The following RPS6KC1 variants were observed in gnomAD, a reference collection of about 807,000 sequenced individuals.
RPS6KC1 encodes the protein inactive ribosomal protein S6 kinase delta-1.
A neutral mutation model predicts 103.8 loss-of-function variants in RPS6KC1; 54 were observed. That is an observed-to-expected ratio of 0.52 (90% CI 0.42 to 0.65). The LOEUF is 0.65. Ranked by LOEUF, RPS6KC1 falls within the 30% of genes least tolerant of loss-of-function variation. RPS6KC1 has a pLI of 0.00. For synonymous variants in RPS6KC1, 439 were observed against 438.7 expected, an observed-to-expected ratio of 1.00 and a Z score of -0.01; for missense variants, 1,151 against 1,253.8, an observed-to-expected ratio of 0.92 and a Z score of 1.24.
chr1:213,720,098 A>G, the RPS6KC1 span, among the ~76,000 whole-genome samples: 4 of 152,166 alleles, frequency 2.6e-5, no homozygotes, highest in Admixed American at 2.6e-4. Context: ...TATTTCCTAT[A>G]TGATCCTCAG....
the RPS6KC1 span, among the ~76,000 whole-genome samples, chr1:213,778,895 C>T: frequency 6.6e-6 from 1 of 152,130 alleles, no homozygotes; most frequent in Admixed American, 6.5e-5. Context: ...CCCCACCGCC[C>T]CACTCCGTAG....
At chr1:213,402,105 T>C in the RPS6KC1 span, among the ~76,000 whole-genome samples, 1 of 152,146 alleles carries the variant, frequency 6.6e-6, no homozygotes, top group Non-Finnish European at 1.5e-5. Flanking sequence ...TTAGTATAAT[T>C]GAATGAGTGT....
the RPS6KC1 span, among the ~76,000 whole-genome samples, chr1:213,629,944 G>C: frequency 6.6e-6 from 1 of 152,144 alleles, no homozygotes; most frequent in African/African-American, 2.4e-5. Context: ...AGTTTCTGCC[G>C]AGAGATCAGC....
chr1:213,266,353 G>A (rs1341102483), intron 14 of RPS6KC1, among the ~76,000 whole-genome samples: 1 of 152,132 alleles, frequency 6.6e-6, no homozygotes, highest in Non-Finnish European at 1.5e-5. Context: ...TCCAAGAGTG[G>A]AATTTCCTAT....
chr1:213,272,549 G>A lies in RPS6KC1; in HGVS notation c.3116G>A (p.Arg1039Gln), dbSNP rs1289525209. ...QQLLQFNPLE[R>Q]LGAGVAGVED... ...CTCTTGCAGTTCAATCCTCTGGAAC[G>A]ACTTGGTGCTGGAGTTGCTGGTGTT... Residue 1039 changes from arginine (R) to glutamine (Q), a missense_variant, in exon 15 of 15, where the codon CGA (arginine) becomes CAA (glutamine). Physicochemically the swap from Arg to Gln is conservative, Grantham distance 43. Coordinates refer to ENST00000366960, the MANE Select transcript of RPS6KC1 (RefSeq NM_012424.6). 2 of 1,613,808 alleles carry A rather than the reference G, an allele frequency of 1.2e-6. No individual in the cohort carries two copies. Among genetic ancestry groups the A allele is most frequent in the Non-Finnish European group, 1.7e-6 (2 of 1,179,892 alleles).
At chr1:213,383,407 C>A in the RPS6KC1 span, among the ~76,000 whole-genome samples, 1 of 152,214 alleles carries the variant, frequency 6.6e-6, no homozygotes, top group Admixed American at 6.5e-5. Context: ...TGTGCCCAGG[C>A]AACATGACCT....
the RPS6KC1 span, among the ~76,000 whole-genome samples, chr1:213,401,927 C>T: frequency 6.6e-6 from 1 of 152,086 alleles, no homozygotes; most frequent in East Asian, 1.9e-4. Flanking sequence ...GCTGGGATTA[C>T]AGGTGTGTGC....
In RPS6KC1 at chr1:213,241,181, G is replaced by A. The variant is rs2094343174; in HGVS notation, c.1705G>A (p.Glu569Lys). ...CCCCAGCACACAGCTGAGAGCTCAC[G>A]AGCTGAAGTTCTTCCCCAACGATGA... ...DSPSTQLRAH[E>K]LKFFPNDDPE... The change falls in exon 11 of 15, where the codon GAG becomes AAG. Residue 569 changes from glutamate to lysine, a missense_variant. This residue lies in a region of RPS6KC1 where 959 missense variants were observed against 1,006.3 expected (regional missense o/e 0.95). Transcript: ENST00000366960. 3 of 1,613,710 alleles carry A rather than the reference G, an allele frequency of 1.9e-6. No homozygotes were observed. Among genetic ancestry groups the A allele is most frequent in the African/African-American group, 1.3e-5 (1 of 74,900 alleles).
the RPS6KC1 span, among the ~76,000 whole-genome samples, chr1:213,299,998 G>A: frequency 6.6e-6 from 1 of 152,012 alleles, no homozygotes. Context: ...GTAGAGACGG[G>A]GTTTCACCGT....
At chr1:213,839,651 A>G in the RPS6KC1 span, 2 of 152,034 alleles carry the variant, frequency 1.3e-5, no homozygotes, top group African/African-American at 2.4e-5. Flanking sequence ...TGCTCACTAC[A>G]CTACCTTTCT....
At chr1:213,557,222 C>G in the RPS6KC1 span, among the ~76,000 whole-genome samples, 1 of 152,204 alleles carries the variant, frequency 6.6e-6, no homozygotes, top group Non-Finnish European at 1.5e-5. Context: ...CCACTCTGAG[C>G]TCATACCTCT....
chr1:213,699,390 A>C, the RPS6KC1 span, among the ~76,000 whole-genome samples: 3 of 152,074 alleles, frequency 2.0e-5, no homozygotes, highest in Non-Finnish European at 4.4e-5. Flanking sequence ...AAATGACAGG[A>C]TCTCATTTTT....
intron 8 of RPS6KC1, among the ~76,000 whole-genome samples, chr1:213,211,839 T>C (rs1480025267): frequency 1.3e-5 from 2 of 152,196 alleles, no homozygotes; most frequent in African/African-American, 4.8e-5. Context: ...TTGTTTTAGT[T>C]ATTTGTGTAA....
chr1:213,805,937 T>C, the RPS6KC1 span, among the ~76,000 whole-genome samples: 1 of 152,252 alleles, frequency 6.6e-6, no homozygotes, highest in African/African-American at 2.4e-5. Flanking sequence ...CTTGTACATC[T>C]TCATCAGAGC....
chr1:213,476,664 T>C, the RPS6KC1 span, among the ~76,000 whole-genome samples: 3 of 152,226 alleles, frequency 2.0e-5, no homozygotes, highest in African/African-American at 7.2e-5. Flanking sequence ...CAGAGAAATT[T>C]CACCCAGGAA....
chr1:213,176,407 G>T lies in RPS6KC1; in HGVS notation c.959G>T (p.Gly320Val), dbSNP rs539665935. The part of the protein sequence containing the change: ...PQLDDVSQPP[G>V]SLSSRPLWNL... ...TTTGATATCTTCCATTAGCCTCCAG[G>T]ATCACTAAGTTCAAGGCCCCTTTGG... Residue 320 changes from glycine (G) to valine (V), a missense_variant, in exon 8 of 15, where the codon GGA (glycine) becomes GTA (valine). Gly to Val is a moderately radical substitution (Grantham distance 109, BLOSUM62 -3). Transcript: ENST00000366960. 1 of 1,598,686 alleles carries T rather than the reference G, an allele frequency of 6.3e-7. No homozygotes were observed. Among genetic ancestry groups the T allele is most frequent in the South Asian group, 1.1e-5 (1 of 89,366 alleles).
At chr1:213,363,758 T>C in the RPS6KC1 span, among the ~76,000 whole-genome samples, 7 of 78,492 alleles carry the variant, frequency 8.9e-5, 1 homozygote, top group Admixed American at 4.1e-4. Context: ...TCTCTTTCTC[T>C]CTTCTTTCTT....
At chr1:213,846,487 C>T in the RPS6KC1 span, among the ~76,000 whole-genome samples, 12 of 152,032 alleles carry the variant, frequency 7.9e-5, no homozygotes, top group African/African-American at 2.9e-4. Flanking sequence ...AATGCCTTGA[C>T]GATAAAAATA....
chr1:213,319,965 G>A, the RPS6KC1 span, among the ~76,000 whole-genome samples: 6 of 152,138 alleles, frequency 3.9e-5, no homozygotes, highest in Non-Finnish European at 7.3e-5. Flanking sequence ...ACATAGAGTC[G>A]AGTCATTAAA....
Sources: gnomAD v4.1 joint callset for allele counts (sites outside exome capture counted in the v4.1 genomes callset) on GRCh38, gnomAD v4.1.1 for gene constraint, gnomAD v4.1.1 regional missense constraint, MANE v1.5 for transcripts, NCBI Gene and HGNC (gene_info 2026-07-23, HGNC 2026-07-21) for gene names.